The following PPAT variants were observed in gnomAD, a reference collection of about 807,000 sequenced individuals.
PPAT encodes amidophosphoribosyltransferase.
A neutral mutation model predicts 60.2 loss-of-function variants in PPAT; 20 were observed. That is an observed-to-expected ratio of 0.33 (90% CI 0.23 to 0.48). PPAT has a LOEUF of 0.48. Ranked by LOEUF, PPAT falls within the 20% of genes least tolerant of loss-of-function variation. The probability of loss-of-function intolerance (pLI) is 0.99; values close to 1 mark genes in which losing one functional copy is unlikely to be tolerated. For synonymous variants in PPAT, 194 were observed against 215.1 expected (o/e 0.90, Z 0.86); for missense variants, 349 against 629.6 (o/e 0.55, Z 4.77).
At chr4:56,410,494 T>C in intron 1 of PPAT, 1 of 984,010 alleles carries the variant, frequency 1.0e-6, no homozygotes, top group South Asian at 4.7e-5. Context: ...AAATAGTGAA[T>C]CATTTCCAGG....
At chr4:56,416,343 T>C (rs1716748938) in intron 1 of PPAT, 2 of 601,492 alleles carry the variant, frequency 3.3e-6, no homozygotes, top group Non-Finnish European at 4.2e-6. Flanking sequence ...AATTCTGTTA[T>C]ATTTACAGGT....
At chr4:56,408,667 CG>C (rs1716313652) in intron 1 of PPAT, among the ~76,000 whole-genome samples, 1 of 145,588 alleles carries the variant, frequency 6.9e-6, no homozygotes, top group South Asian at 2.2e-4. Context: ...GGCAGGAGAA[CG>C]GCGTGAACCC....
intron 1 of PPAT, among the ~76,000 whole-genome samples, chr4:56,430,444 C>G (rs1209090913): frequency 6.6e-6 from 1 of 152,092 alleles, no homozygotes; most frequent in Non-Finnish European, 1.5e-5. Flanking sequence ...AGGGCAGGGA[C>G]CACATCTGCC....
Position 56,407,679 on chromosome 4 carries a change from T to C in PPAT, c.166A>G (p.Ser56Gly). The change falls in exon 2 of 11, where the codon AGT becomes GGT. Residue 56 changes from serine (S) to glycine (G), a missense_variant. Around this residue, in one of 5 missense-constraint regions of PPAT, gnomAD observed 115 missense variants for 174.5 expected, o/e 0.66. Coordinates refer to ENST00000264220, the MANE Select transcript of PPAT (RefSeq NM_002703.5). ...ESAGIVTSDG[S>G]SVPTFKSHKG... ...TGTGATTTGAATGTTGGCACCGAAC[T>C]CCCATCACTAGTCACAATACCAGCA... is the stretch of plus-strand genomic sequence containing the variant. 1 of 1,606,584 alleles carries C rather than the reference T, an allele frequency of 6.2e-7. No homozygotes were observed. Among genetic ancestry groups the C allele is most frequent in the South Asian group, 1.1e-5 (1 of 90,936 alleles).
Position 56,399,236 on chromosome 4 carries a change from G to C in PPAT, c.1179C>G (p.Val393=). Residue 393 remains valine (V), a synonymous_variant, in exon 9 of 11, where the codon GTC becomes GTG. Coordinates refer to ENST00000264220, the MANE Select transcript of PPAT (RefSeq NM_002703.5). ...KRIVLVDDSI[V]RGNTISPIIK... is the part of the protein sequence containing the mutation. ...TTATAGGTGAGATGGTATTGCCTCT[G>C]ACAATTGAATCATCTACAAGAACAA... 1 of 1,613,942 alleles carries C rather than the reference G, an allele frequency of 6.2e-7. No homozygotes were observed. Among genetic ancestry groups the C allele is most frequent in the Non-Finnish European group, 8.5e-7 (1 of 1,179,884 alleles).
chr4:56,402,997 T>C (rs374205976), intron 5 of PPAT, 43 bp downstream of exon 5: 4 of 1,526,812 alleles, frequency 2.6e-6, no homozygotes, highest in Non-Finnish European at 2.6e-6. Context: ...AGGACAATAA[T>C]GGAAAAACAC....
chr4:56,402,281 T>C (rs967175262), intron 5 of PPAT, 100 bp from the exon 6 acceptor site: 9 of 789,224 alleles, frequency 1.1e-5, no homozygotes, highest in Admixed American at 2.6e-5. Context: ...ATAAAACTCA[T>C]AGAATAGCCA....
In PPAT at chr4:56,435,515, G is replaced by C; in HGVS notation, c.-38C>G. 6.2e-7 allele frequency: 1 copy of C among 1,612,326 alleles called. No homozygotes were observed. Among genetic ancestry groups the C allele is most frequent in the Non-Finnish European group, 8.5e-7 (1 of 1,179,910 alleles). On this transcript the variant is annotated 5_prime_UTR_variant, in exon 1 of 11. Transcript: ENST00000264220. ...AGCACGTGGAAGGACCTGCCGCTGCGGCCAAGGTGTAAGCACCAACCAGCT... is the reference window on the plus strand; with the variant it reads ...AGCACGTGGAAGGACCTGCCGCTGCCGCCAAGGTGTAAGCACCAACCAGCT...
At position 56,396,880 on chromosome 4, in the gene PPAT, T is replaced by C; in HGVS notation, c.1237-141A>G. 2.5e-6 allele frequency: 2 copies of C among 810,344 alleles called. No individual in the cohort carries two copies. The highest frequency in any genetic ancestry group is 1.8e-6 in the Non-Finnish European group (1 of 568,496). 50.2% of individuals were successfully genotyped at this position (810,344 alleles called of 1,614,324 possible). A position where few individuals can be genotyped will look rare whatever the true frequency, so the allele number is the denominator to read the frequency against. On this transcript the variant is annotated intron_variant, in intron 9 of 10. Coordinates refer to ENST00000264220, the MANE Select transcript of PPAT (RefSeq NM_002703.5). The surrounding 1 kb of genome is among the most constrained non-coding windows in gnomAD (Gnocchi z 4.6). ...ATTATTCTTTCTACAAAGCTGCTTC[T>C]TGGTTTTTTTTTTCTTTCACCTAAT...
intron 1 of PPAT, among the ~76,000 whole-genome samples, chr4:56,418,185 G>A (rs1029963946): frequency 9.2e-5 from 14 of 152,044 alleles, no homozygotes; most frequent in African/African-American, 4.8e-5. Context: ...GCATGGTAGC[G>A]TGTGCCTGTG....
At chr4:56,433,639 A>AT in intron 1 of PPAT, among the ~76,000 whole-genome samples, 1 of 152,172 alleles carries the variant, frequency 6.6e-6, no homozygotes, top group African/African-American at 2.4e-5. Flanking sequence ...ACCACCAGGC[A>AT]ACCCTAAAGA....
At chr4:56,397,522 T>C (rs1005168732) in intron 9 of PPAT, among the ~76,000 whole-genome samples, 9 of 152,174 alleles carry the variant, frequency 5.9e-5, no homozygotes, top group African/African-American at 2.2e-4. Flanking sequence ...ATTTTATTTT[T>C]GATTTTTCAG....
chr4:56,406,675 A>G lies in PPAT; in HGVS notation c.222T>C (p.Phe74=), dbSNP rs1266384824. 1.2e-6 allele frequency: 2 copies of G among 1,611,694 alleles called. No homozygotes were observed. The highest frequency in any genetic ancestry group is 2.7e-5 in the African/African-American group (2 of 74,868). Residue 74 remains phenylalanine, a synonymous_variant, in exon 3 of 11, where the codon TTT becomes TTC. Coordinates refer to ENST00000264220, the MANE Select transcript of PPAT (RefSeq NM_002703.5). ...HKGMGLVNHV[F]TEDNLKKLYV... ...ATAATTTTTTCAAATTGTCTTCAGT[A>G]AAGACGTGATTTACAAGACCCATTC...
intron 1 of PPAT, 101 bp from the exon 2 acceptor site, chr4:56,407,817 G>A (rs1716285501): frequency 1.1e-6 from 1 of 882,804 alleles, no homozygotes; most frequent in Non-Finnish European, 1.9e-6. Flanking sequence ...CATGAACTTA[G>A]TGTGACAACA....
intron 7 of PPAT, 99 bp from the exon 8 acceptor site, chr4:56,401,010 A>G: frequency 8.1e-7 from 1 of 1,232,984 alleles, no homozygotes. Context: ...ATTGAGTATA[A>G]AAAGAAATGC....
chr4:56,418,753 G>A (rs1159201039), intron 1 of PPAT, among the ~76,000 whole-genome samples: 3 of 152,136 alleles, frequency 2.0e-5, no homozygotes, highest in Non-Finnish European at 2.9e-5. Context: ...AATGAAATCT[G>A]AGAAAAACAC....
In PPAT at chr4:56,427,717, G is replaced by A. The variant is rs564428513; in HGVS notation, c.128+7633C>T. 1.6e-4 allele frequency among the ~76,000 whole-genome samples: 25 copies of A among 151,842 alleles called. No individual in the cohort carries two copies. The East Asian group carries it at 4.2e-3, about 26-fold the overall frequency. On this transcript the variant is annotated intron_variant, in intron 1 of 10. Transcript: ENST00000264220. ...AACCTAGGAGAATTTAAGATGAGAG[G>A]AACTCACTGTTAGAAAGCATTGTGG...
At chr4:56,428,508 T>G (rs1354915271) in intron 1 of PPAT, among the ~76,000 whole-genome samples, 15 of 152,168 alleles carry the variant, frequency 9.9e-5, no homozygotes, top group Non-Finnish European at 1.9e-4. Context: ...TATAGCATTT[T>G]ACAAAGAAAA....
In PPAT at chr4:56,403,175, A is replaced by G; in HGVS notation, c.526T>C (p.Leu176=). 6.2e-7 allele frequency: 1 copy of G among 1,600,414 alleles called. No individual in the cohort carries two copies. The highest frequency in any genetic ancestry group is 8.5e-7 in the Non-Finnish European group (1 of 1,172,740). ...TATGCTGTGGGTGCTTCCTTCATCA[A>G]GTTTTTAATCCTGGAATTAATTAAA... is the stretch of plus-strand genomic sequence containing the variant. ...TPDWVARIKN[L]MKEAPTAYSL... is the part of the protein sequence containing the mutation. The change falls in exon 5 of 11, where the codon TTG becomes CTG. Residue 176 remains leucine, a synonymous_variant. Transcript: ENST00000264220.
Sources: gnomAD v4.1 joint callset for allele counts (sites outside exome capture counted in the v4.1 genomes callset) on GRCh38, gnomAD v4.1.1 for gene constraint, gnomAD v4.1.1 regional missense constraint, Gnocchi (gnomAD v3.1) non-coding constraint, MANE v1.5 for transcripts, NCBI Gene and HGNC (gene_info 2026-07-23, HGNC 2026-07-21) for gene names.